The following MAD2L1BP variants were observed in gnomAD, a reference collection of about 807,000 sequenced individuals.
MAD2L1BP encodes MAD2L1-binding protein.
A neutral mutation model predicts 28.4 loss-of-function variants in MAD2L1BP; 22 were observed. The ratio of observed to expected loss-of-function variants is 0.77; its 90% CI spans 0.55 to 1.10. MAD2L1BP has a LOEUF of 1.10. MAD2L1BP is among the 50% of genes least tolerant of loss of function. MAD2L1BP has a pLI of 0.00. For missense variants in MAD2L1BP, 325 were observed against 350.5 expected (o/e 0.93, Z 0.58); for synonymous variants, 146 against 133.7 (o/e 1.09, Z -0.63).
At chr6:43,636,285 T>C (rs2127861207) in intron 1 of MAD2L1BP, 96 bp from the exon 2 acceptor site, 1 of 1,329,820 alleles carries the variant, frequency 7.5e-7, no homozygotes, top group Middle Eastern at 2.3e-4. Context: ...TGCCTGCTTT[T>C]TCAGGGTGGC....
chr6:43,629,971 C>T (rs1027228872), intron 1 of MAD2L1BP, among the ~76,000 whole-genome samples: 12 of 152,214 alleles, frequency 7.9e-5, no homozygotes, highest in African/African-American at 2.7e-4. Context: ...GCTTCCTCCC[C>T]GAAGGCTGCA....
upstream of MAD2L1BP, among the ~76,000 whole-genome samples, chr6:43,630,908 CAAAAAAAAA>C (rs753239311): frequency 5.8e-4 from 31 of 53,608 alleles, no homozygotes; most frequent in African/African-American, 1.9e-3. Flanking sequence ...GACTTCGTCT[CAAAAAAAAA>C]AAAAAAAAAA....
intron 1 of MAD2L1BP, chr6:43,629,878 C>A: frequency 1.5e-6 from 2 of 1,361,102 alleles, no homozygotes; most frequent in South Asian, 1.4e-5. Flanking sequence ...TGCTTTATTA[C>A]CAGGCTGGCA....
At chr6:43,630,382 C>T (rs927676538) in intron 1 of MAD2L1BP, among the ~76,000 whole-genome samples, 20 of 152,164 alleles carry the variant, frequency 1.3e-4, no homozygotes, top group Non-Finnish European at 2.1e-4. Context: ...TGACTCAGAC[C>T]ACTCACAGTG....
upstream of MAD2L1BP, chr6:43,635,804 AG>A (rs1582364051): frequency 7.1e-7 from 1 of 1,402,260 alleles, no homozygotes; most frequent in African/African-American, 1.5e-5. Context: ...CCGGAAGTGG[AG>A]GCGCGGGCTT....
intron 1 of MAD2L1BP, among the ~76,000 whole-genome samples, chr6:43,630,741 T>TA (rs200805129): frequency 1.7e-3 from 206 of 118,972 alleles, no homozygotes; most frequent in South Asian, 4.1e-3. Context: ...AGACTCCAAC[T>TA]AAAAAAAAAA....
upstream of MAD2L1BP, among the ~76,000 whole-genome samples, chr6:43,631,075 G>A (rs920278871): frequency 2.0e-5 from 3 of 152,306 alleles, no homozygotes; most frequent in African/African-American, 7.2e-5. Context: ...AGGGCCACAA[G>A]GAGGGAGGCA....
chr6:43,636,983 T>A (rs1770263386), intron 2 of MAD2L1BP: 2 of 194,436 alleles, frequency 1.0e-5, no homozygotes, highest in South Asian at 2.2e-4. Context: ...GTTCAAGCGA[T>A]TCTGCTGCCT....
intron 2 of MAD2L1BP, among the ~76,000 whole-genome samples, chr6:43,637,065 T>A (rs961451404): frequency 6.6e-5 from 10 of 151,724 alleles, no homozygotes; most frequent in Middle Eastern, 3.4e-3. Context: ...TTAATTAATT[T>A]ATTTATTTTA....
rs1489283963 is a variant in MAD2L1BP at position 43,635,901 on chromosome 6, T to A, written c.26T>A (p.Leu9Gln). The A allele has an allele frequency of 2.7e-6, 4 of 1,490,970 alleles. No individual in the cohort carries two copies. Among genetic ancestry groups the A allele is most frequent in the Non-Finnish European group, 3.5e-6 (4 of 1,127,116 alleles). 92.4% of individuals were successfully genotyped at this position (1,490,970 alleles called of 1,614,324 possible). A position where few individuals can be genotyped will look rare whatever the true frequency, so the allele number is the denominator to read the frequency against. Residue 9 changes from leucine to glutamine, a missense_variant, in exon 1 of 3, where the codon CTG becomes CAG. Leu to Gln is a moderately radical substitution (Grantham distance 113). Transcript: ENST00000372171. ...ATGGCGGCGCCGGAGGCGGAGGTTC[T>A]GTCCTCAGCCGCAGTCCCTGGTAAG... MAAPEAEV[L>Q]SSAAVPDLEW... is the part of the protein sequence containing the mutation.
Position 43,640,542 on chromosome 6 carries a change from T to C in MAD2L1BP, c.*9T>C. On this transcript the variant is annotated 3_prime_UTR_variant, in exon 3 of 3. Transcript: ENST00000372171. The stretch of plus-strand genomic sequence containing the variant: ...AAGGCTTCCGCGAGTGAATGAGTGC[T>C]TCTTAATCCTAAAAACACAATGGCT... 6.4e-7 allele frequency: 1 copy of C among 1,551,402 alleles called. No individual in the cohort carries two copies. Among genetic ancestry groups the C allele is most frequent in the Non-Finnish European group, 8.7e-7 (1 of 1,148,866 alleles).
At chr6:43,636,684 T>A in intron 2 of MAD2L1BP, 38 bp downstream of exon 2, 1 of 1,596,910 alleles carries the variant, frequency 6.3e-7, no homozygotes, top group Non-Finnish European at 8.6e-7. Flanking sequence ...GTGGGAAGAC[T>A]TTGTGGCTCT....
Position 43,640,520 on chromosome 6 carries a change from G to T in MAD2L1BP, c.812G>T (p.Gly271Val), listed in dbSNP as rs1412912507. Residue 271 changes from glycine to valine, a missense_variant, in exon 3 of 3, where the codon GGC becomes GTC. By Grantham distance (109) the Gly-to-Val change is moderately radical (BLOSUM62 -3). Transcript: ENST00000372171. ...IWFQAPVTFK[G>V]FRE ...TTCCAGGCACCAGTGACATTTAAAGGCTTCCGCGAGTGAATGAGTGCTTCT... is the reference window on the plus strand; with the variant it reads ...TTCCAGGCACCAGTGACATTTAAAGTCTTCCGCGAGTGAATGAGTGCTTCT... 6.3e-7 allele frequency: 1 copy of T among 1,582,546 alleles called. No homozygotes were observed. The highest frequency in any genetic ancestry group is 8.6e-7 in the Non-Finnish European group (1 of 1,164,214).
chr6:43,640,786 T>A lies in MAD2L1BP; in HGVS notation c.*253T>A. The A allele has an allele frequency of 2.2e-6, 1 of 450,396 alleles. No homozygotes were observed. The highest frequency in any genetic ancestry group is 3.9e-6 in the Non-Finnish European group (1 of 254,806). 27.9% of individuals were successfully genotyped at this position (450,396 alleles called of 1,614,324 possible). ...TTCCCAGAGGGTGCTGGGTCAGGCA[T>A]TTCTATTAGGAGTTGGAAAGCAAAA... On this transcript the variant is annotated 3_prime_UTR_variant, in exon 3 of 3. Transcript: ENST00000372171.
At chr6:43,638,178 G>C (rs927457799) in intron 2 of MAD2L1BP, among the ~76,000 whole-genome samples, 1 of 151,748 alleles carries the variant, frequency 6.6e-6, no homozygotes, top group East Asian at 2.0e-4. Flanking sequence ...GATTACAGGC[G>C]TGAGCCACTG....
rs146911441 is a variant in MAD2L1BP, at chr6:43,640,388, G to A, written c.680G>A (p.Arg227Gln). ...GHRNCGEDWF[R>Q]PKLNYRVPSR... is the part of the protein sequence containing the mutation. ...CGCAACTGTGGAGAAGATTGGTTTC[G>A]ACCCAAGCTCAACTATCGAGTGCCC... Residue 227 changes from arginine (R) to glutamine (Q), a missense_variant, in exon 3 of 3, where the codon CGA (arginine) becomes CAA (glutamine). Transcript: ENST00000372171. 2.1e-3 allele frequency: 3,355 copies of A among 1,613,934 alleles called. 101 individuals carry two copies. The South Asian group carries it at 0.035, about 17-fold the overall frequency.
chr6:43,639,171 G>A (rs1434655214), intron 2 of MAD2L1BP, among the ~76,000 whole-genome samples: 5 of 150,324 alleles, frequency 3.3e-5, no homozygotes, highest in South Asian at 4.2e-4. Context: ...ACAGAGTCTC[G>A]CTCTGTCACC....
At chr6:43,635,482 T>TAC (rs1183932472), upstream of MAD2L1BP, among the ~76,000 whole-genome samples, 12 of 152,264 alleles carry the variant, frequency 7.9e-5, no homozygotes, top group African/African-American at 2.7e-4. Flanking sequence ...GTATTGTATC[T>TAC]ACAGGCAGTG....
chr6:43,635,809 C>T (rs961825921), upstream of MAD2L1BP: 140 of 1,414,388 alleles, frequency 9.9e-5, no homozygotes, highest in Non-Finnish European at 1.3e-4. Context: ...AGTGGAGGCG[C>T]GGGCTTCCCA....
Sources: gnomAD v4.1 joint callset for allele counts (sites outside exome capture counted in the v4.1 genomes callset) on GRCh38, gnomAD v4.1.1 for gene constraint, MANE v1.5 for transcripts, NCBI Gene and HGNC (gene_info 2026-07-23, HGNC 2026-07-21) for gene names.